Variants in WDR41 observed in about 807,000 individuals in gnomAD.
WDR41 encodes WD repeat domain 41, also known as WD repeat-containing protein 41.
WDR41 carries 63 observed loss-of-function variants against 69.3 expected under a neutral mutation model. The observed-to-expected ratio is 0.91, with a 90% CI of 0.74 to 1.12. The LOEUF is 1.12. Ranked by LOEUF, WDR41 falls within the 50% of genes most tolerant of loss-of-function variation. The pLI, the probability that WDR41 is intolerant of heterozygous loss-of-function variation, is 0.00. For missense variants in WDR41, 543 were observed against 534.5 expected (o/e 1.02, Z -0.16); for synonymous variants, 185 against 192.1 (o/e 0.96, Z 0.31).
chr5:77,437,557 A>T, intron 10 of WDR41, 133 bp from the exon 11 acceptor site: 1 of 774,616 alleles, frequency 1.3e-6, no homozygotes. Context: ...CAAAAATCAC[A>T]ATTTAGCATG....
At chr5:77,453,566 C>G (rs1455052917) in intron 6 of WDR41, among the ~76,000 whole-genome samples, 1 of 152,214 alleles carries the variant, frequency 6.6e-6, no homozygotes, top group Non-Finnish European at 1.5e-5. Context: ...GCTCACCAAA[C>G]ACAGTTCAGG....
intron 8 of WDR41, among the ~76,000 whole-genome samples, chr5:77,441,886 A>G (rs572452402): frequency 1.3e-5 from 2 of 151,866 alleles, no homozygotes; most frequent in Non-Finnish European, 2.9e-5. Context: ...AGAAAAAAAA[A>G]TGGGAAAAGG....
At chr5:77,534,362 CA>C (rs1239370407) in intron 1 of WDR41, among the ~76,000 whole-genome samples, 1 of 151,492 alleles carries the variant, frequency 6.6e-6, no homozygotes, top group Admixed American at 6.6e-5. Flanking sequence ...CTTATATGGA[CA>C]AAAAAATGAG....
At chr5:77,600,659 A>G (rs1240235978) in intron 1 of WDR41, among the ~76,000 whole-genome samples, 1 of 152,074 alleles carries the variant, frequency 6.6e-6, no homozygotes, top group Non-Finnish European at 1.5e-5. Flanking sequence ...AGGCGGGTGG[A>G]TCACGAGGTC....
intron 1 of WDR41, among the ~76,000 whole-genome samples, chr5:77,612,127 C>A (rs949435840): frequency 1.6e-4 from 24 of 152,188 alleles, no homozygotes; most frequent in Middle Eastern, 3.4e-3. Context: ...CAATAACAGG[C>A]TCTGAAATTG....
At chr5:77,619,800 C>G (rs1472806043) in intron 1 of WDR41, among the ~76,000 whole-genome samples, 4 of 152,010 alleles carry the variant, frequency 2.6e-5, no homozygotes, top group Admixed American at 2.0e-4. Flanking sequence ...AGCCAGGAAA[C>G]AGAGGTGACT....
chr5:77,523,536 A>G (rs1802403733), intron 1 of WDR41, among the ~76,000 whole-genome samples: 1 of 152,002 alleles, frequency 6.6e-6, no homozygotes, highest in African/African-American at 2.4e-5. Flanking sequence ...TATTCAGTAA[A>G]GTATACTAGT....
chr5:77,508,504 T>C (rs1339417168), intron 1 of WDR41, among the ~76,000 whole-genome samples: 2 of 152,238 alleles, frequency 1.3e-5, no homozygotes, highest in Non-Finnish European at 2.9e-5. Flanking sequence ...CACATGGTTT[T>C]AGTTCTTTGA....
intron 1 of WDR41, among the ~76,000 whole-genome samples, chr5:77,502,934 A>G (rs10064085): frequency 0.89 from 135,416 of 152,160 alleles, 60,616 homozygotes; most frequent in East Asian, 0.99. Context: ...AAAGACCATC[A>G]ATGCTATGAA....
chr5:77,451,411 C>A, intron 6 of WDR41, 58 bp from the exon 7 acceptor site: 2 of 1,500,606 alleles, frequency 1.3e-6, no homozygotes, highest in Admixed American at 3.4e-5. Context: ...ATATCAAAAA[C>A]AAAAACATTC....
rs1798764796 is a variant in WDR41 at position 77,432,539 on chromosome 5, C to G, written c.*596G>C. The G allele has an allele frequency of 6.6e-6, 1 of 152,284 alleles. No homozygotes were observed. Among genetic ancestry groups the G allele is most frequent in the Admixed American group, 6.5e-5 (1 of 15,286 alleles). 9.4% of individuals were successfully genotyped at this position (152,284 alleles called of 1,614,324 possible). On this transcript the variant is annotated 3_prime_UTR_variant, in exon 13 of 13. Coordinates refer to ENST00000296679, the MANE Select transcript of WDR41 (RefSeq NM_018268.4). ...TCAAGCCAATTCACACTGGGAAAAA[C>G]ACACCCTCACAAGATGCCTATCCAT...
At chr5:77,441,057 G>C in intron 8 of WDR41, 60 bp from the exon 9 acceptor site, 1 of 1,555,568 alleles carries the variant, frequency 6.4e-7, no homozygotes, top group Non-Finnish European at 8.7e-7. Flanking sequence ...AGATATAACT[G>C]AATGGAATGT....
At chr5:77,478,497 A>C (rs1024714014) in intron 2 of WDR41, among the ~76,000 whole-genome samples, 22 of 152,258 alleles carry the variant, frequency 1.4e-4, no homozygotes, top group East Asian at 9.6e-4. Flanking sequence ...GGGCTTCATC[A>C]CTGGGATGCA....
At chr5:77,579,245 A>G (rs1246853447) in intron 1 of WDR41, among the ~76,000 whole-genome samples, 1 of 152,160 alleles carries the variant, frequency 6.6e-6, no homozygotes, top group Non-Finnish European at 1.5e-5. Flanking sequence ...AGAAGAAGCA[A>G]TGGCTGAAGC....
intron 1 of WDR41, among the ~76,000 whole-genome samples, chr5:77,504,314 A>T (rs571441162): frequency 1.2e-3 from 189 of 152,346 alleles, no homozygotes; most frequent in African/African-American, 4.4e-3. Flanking sequence ...CCCTCCCAAG[A>T]CTAAACCAGG....
intron 2 of WDR41, among the ~76,000 whole-genome samples, chr5:77,485,899 A>T (rs163029): frequency 0.59 from 89,432 of 151,874 alleles, 28,079 homozygotes; most frequent in African/African-American, 0.8. Context: ...CAATAAGATG[A>T]TATTATCTAA....
intron 6 of WDR41, among the ~76,000 whole-genome samples, chr5:77,453,052 T>C (rs1211487148): frequency 6.6e-6 from 1 of 152,204 alleles, no homozygotes; most frequent in East Asian, 1.9e-4. Flanking sequence ...ACCCTAGCAA[T>C]GTATGGATTT....
chr5:77,437,790 G>A (rs1344123884), intron 10 of WDR41, among the ~76,000 whole-genome samples: 1 of 151,998 alleles, frequency 6.6e-6, no homozygotes, highest in Non-Finnish European at 1.5e-5. Flanking sequence ...AATAATGATA[G>A]TCCCTGTCCA....
chr5:77,566,662 G>A (rs7708594), intron 1 of WDR41, among the ~76,000 whole-genome samples: 56,010 of 151,940 alleles, frequency 0.37, 10,970 homozygotes, highest in East Asian at 0.53. Flanking sequence ...GTGGTGGGGG[G>A]CAGAGGGATT....
Sources: gnomAD v4.1 joint callset for allele counts (sites outside exome capture counted in the v4.1 genomes callset) on GRCh38, gnomAD v4.1.1 for gene constraint, MANE v1.5 for transcripts, NCBI Gene and HGNC (gene_info 2026-07-23, HGNC 2026-07-21) for gene names.